Variants in CHL1 observed in about 807,000 individuals in gnomAD.
The protein encoded by CHL1 is cell adhesion molecule L1 like, also known as neural cell adhesion molecule L1-like protein.
CHL1 carries 96 observed loss-of-function variants against 141.9 expected under a neutral mutation model. The ratio of observed to expected loss-of-function variants is 0.68; its 90% CI spans 0.57 to 0.80. The LOEUF is 0.80. Ranked by LOEUF, CHL1 falls within the 30% of genes least tolerant of loss-of-function variation. The pLI is 0.00. For synonymous variants in CHL1, 613 were observed against 502.2 expected, an observed-to-expected ratio of 1.22 and a Z score of -2.95; for missense variants, 1,820 against 1,457.2, an observed-to-expected ratio of 1.25 and a Z score of -4.05.
intron 3 of CHL1, among the ~76,000 whole-genome samples, chr3:324,316 C>G (rs1343551696): frequency 3.9e-5 from 6 of 152,032 alleles, no homozygotes; most frequent in Admixed American, 1.3e-4. Flanking sequence ...TTTTCTCATA[C>G]TTTATTTGCC....
chr3:400,159 A>T (rs1709005621), intron 26 of CHL1, among the ~76,000 whole-genome samples: 1 of 152,232 alleles, frequency 6.6e-6, no homozygotes, highest in African/African-American at 2.4e-5. Context: ...TGATGTTCAG[A>T]TATATGAGAA....
chr3:227,607 C>A (rs768815191), intron 1 of CHL1, among the ~76,000 whole-genome samples: 3 of 152,158 alleles, frequency 2.0e-5, no homozygotes, highest in Admixed American at 2.0e-4. Context: ...CATGTGTGGA[C>A]GGACAGATGC....
chr3:214,223 C>T lies in CHL1; in HGVS notation c.-175+17160C>T, dbSNP rs1292401224. 6.6e-5 allele frequency among the ~76,000 whole-genome samples: 10 copies of T among 152,264 alleles called. 1 individual carries two copies. In the Middle Eastern group the frequency reaches 0.02, roughly 311 times the overall value. ...GAGCTCCTTCCTTACTTTTCAGCTG[C>T]GTTAATTTCTTCTCTACGTTTCAGA... On this transcript the variant is annotated intron_variant, in intron 1 of 27. Transcript: ENST00000256509.
chr3:230,754 A>G (rs1206816558), intron 1 of CHL1, among the ~76,000 whole-genome samples: 1 of 152,174 alleles, frequency 6.6e-6, no homozygotes, highest in Non-Finnish European at 1.5e-5. Flanking sequence ...AGACTCTTAT[A>G]TTCTTATAGG....
In CHL1 at chr3:254,998, G is replaced by A. The variant is rs185956552; in HGVS notation, c.-95+10306G>A. On this transcript the variant is annotated intron_variant, in intron 2 of 27. Transcript: ENST00000256509. ...TCCTATTGTCCCTACCCTTTCCTCA[G>A]ATACCAGGATTTGCCTATCTCCATC... Among the ~76,000 whole-genome samples, 10 of 152,290 alleles carry A rather than the reference G, an allele frequency of 6.6e-5. No individual in the cohort carries two copies. In the East Asian group the frequency reaches 1.9e-3, roughly 29 times the overall value.
intron 2 of CHL1, among the ~76,000 whole-genome samples, chr3:280,310 T>A (rs1574945749): frequency 6.6e-6 from 1 of 152,186 alleles, no homozygotes; most frequent in East Asian, 1.9e-4. Flanking sequence ...GGCACTGTCA[T>A]GGATGGTAGC....
chr3:398,236 T>C lies in CHL1; in HGVS notation c.3104T>C (p.Ile1035Thr), dbSNP rs370418721. 360 of 1,597,972 alleles carry C rather than the reference T, an allele frequency of 2.3e-4. 2 individuals are homozygous for C. In the South Asian group the frequency reaches 3.3e-3, roughly 15 times the overall value. The change falls in exon 25 of 28, where the codon ATC (isoleucine) becomes ACC (threonine). Residue 1035 changes from isoleucine (I) to threonine (T), a missense_variant. Physicochemically the swap from Ile to Thr is moderately conservative, Grantham distance 89. Coordinates refer to ENST00000256509, the MANE Select transcript of CHL1 (RefSeq NM_006614.4). Reference sequence around the variant, plus strand: ...TGTGTACATTTCTTAGGTAAAGGTATCGGGAAGATATCAGGAGTAAATCTT... The same window carrying C: ...TGTGTACATTTCTTAGGTAAAGGTACCGGGAAGATATCAGGAGTAAATCTT... ...SSTLGEGSKG[I>T]GKISGVNLTQ... is the part of the protein sequence containing the mutation.
intron 9 of CHL1, among the ~76,000 whole-genome samples, chr3:349,047 C>G (rs1200439009): frequency 6.6e-6 from 1 of 152,196 alleles, no homozygotes; most frequent in Non-Finnish European, 1.5e-5. Context: ...TCAATGAGCT[C>G]CAGCTATTTT....
In CHL1 at chr3:367,341, G is replaced by A. The variant is rs149784109; in HGVS notation, c.1751+1226G>A. On this transcript the variant is annotated intron_variant, in intron 15 of 27. Coordinates refer to ENST00000256509, the MANE Select transcript of CHL1 (RefSeq NM_006614.4). ...GGACATGTGCTGCTTGCATGAGACA[G>A]CAACACTGCCATGGGTAAGATCATG... Among the ~76,000 whole-genome samples the A allele has an allele frequency of 3.9e-5, 6 of 152,306 alleles. No homozygotes were observed. The East Asian group carries it at 1.2e-3, about 29-fold the overall frequency.
At chr3:218,245 A>C (rs558244629) in intron 1 of CHL1, among the ~76,000 whole-genome samples, 31 of 152,180 alleles carry the variant, frequency 2.0e-4, no homozygotes, top group Non-Finnish European at 3.7e-4. Context: ...CTCTTGCAGA[A>C]AGAATTCCTG....
At chr3:198,292 G>C (rs1444587674) in intron 1 of CHL1, among the ~76,000 whole-genome samples, 1 of 151,990 alleles carries the variant, frequency 6.6e-6, no homozygotes, top group Non-Finnish European at 1.5e-5. Context: ...CCGCTCGTGG[G>C]AGCCGCGGAG....
intron 1 of CHL1, among the ~76,000 whole-genome samples, chr3:200,324 T>G (rs1033147633): frequency 2.0e-5 from 3 of 152,122 alleles, no homozygotes; most frequent in Admixed American, 6.5e-5. Context: ...CATGACAGAT[T>G]GGGAGGTGTT....
At chr3:392,355 TA>T (rs1375311821) in intron 23 of CHL1, among the ~76,000 whole-genome samples, 2 of 152,226 alleles carry the variant, frequency 1.3e-5, no homozygotes, top group African/African-American at 2.4e-5. Flanking sequence ...ATCCAATGTC[TA>T]TGGGTTGCTC....
intron 11 of CHL1, among the ~76,000 whole-genome samples, chr3:358,544 T>C (rs1392703929): frequency 1.3e-5 from 2 of 152,182 alleles, no homozygotes; most frequent in Non-Finnish European, 2.9e-5. Flanking sequence ...TTTGCCTACT[T>C]ACAGGGGCCT....
intron 19 of CHL1, 151 bp from the exon 20 acceptor site, chr3:389,101 A>G: frequency 1.5e-6 from 1 of 674,034 alleles, no homozygotes. Context: ...ACTTTTTCAC[A>G]ACTGTCTCTA....
chr3:219,273 C>G (rs971759664), intron 1 of CHL1, among the ~76,000 whole-genome samples: 1 of 152,106 alleles, frequency 6.6e-6, no homozygotes, highest in Non-Finnish European at 1.5e-5. Flanking sequence ...GGTGACTCCT[C>G]AAAGACCTGA....
At chr3:219,266 G>A (rs1385912821) in intron 1 of CHL1, among the ~76,000 whole-genome samples, 1 of 152,112 alleles carries the variant, frequency 6.6e-6, no homozygotes, top group African/African-American at 2.4e-5. Context: ...ACAGTGTGGT[G>A]ACTCCTCAAA....
At chr3:276,974 G>A (rs1458286011) in intron 2 of CHL1, among the ~76,000 whole-genome samples, 2 of 150,334 alleles carry the variant, frequency 1.3e-5, no homozygotes, top group Admixed American at 6.6e-5. Context: ...CCACTTATTA[G>A]CTGGTGACTT....
intron 2 of CHL1, among the ~76,000 whole-genome samples, chr3:288,011 G>A (rs1456014315): frequency 6.6e-6 from 1 of 152,088 alleles, no homozygotes; most frequent in Non-Finnish European, 1.5e-5. Context: ...CGGGCAATCT[G>A]CCCACCTTAG....
Sources: allele counts gnomAD v4.1 joint callset (sites outside exome capture counted in the v4.1 genomes callset), GRCh38; gene constraint gnomAD v4.1.1; transcripts MANE v1.5; gene names NCBI Gene and HGNC (gene_info 2026-07-23, HGNC 2026-07-21).